CTNNA3: variants seen among roughly 807,000 people sequenced by gnomAD.
CTNNA3 encodes catenin alpha-3.
A neutral mutation model predicts 95.7 loss-of-function variants in CTNNA3; 76 were observed. That is an observed-to-expected ratio of 0.79 (90% CI 0.66 to 0.96). The LOEUF (loss-of-function observed/expected upper bound fraction) is 0.96. CTNNA3 is among the 40% of genes least tolerant of loss of function. CTNNA3 has a pLI of 0.00. For synonymous variants in CTNNA3, 431 were observed against 374.4 expected (o/e 1.15, Z -1.74); for missense variants, 1,191 against 1,089.8 (o/e 1.09, Z -1.31).
chr10:67,416,144 G>T (rs1301716058), intron 5 of CTNNA3, among the ~76,000 whole-genome samples: 1 of 151,970 alleles, frequency 6.6e-6, no homozygotes, highest in Admixed American at 6.6e-5. Context: ...AAAATATAGT[G>T]AGAACTAATT....
chr10:67,462,455 G>C (rs1310628514), intron 5 of CTNNA3, among the ~76,000 whole-genome samples: 1 of 152,192 alleles, frequency 6.6e-6, no homozygotes. Flanking sequence ...GCAAGACAAG[G>C]AAAGGGCACC....
chr10:66,030,552 T>G (rs751963444), intron 15 of CTNNA3, among the ~76,000 whole-genome samples: 18 of 152,118 alleles, frequency 1.2e-4, no homozygotes, highest in African/African-American at 4.1e-4. Flanking sequence ...TATACAAAAA[T>G]TAACTCAAGA....
At chr10:66,373,923 C>T (rs2132471069) in intron 12 of CTNNA3, among the ~76,000 whole-genome samples, 1 of 152,338 alleles carries the variant, frequency 6.6e-6, no homozygotes, top group African/African-American at 2.4e-5. Context: ...AGATCTAACT[C>T]TGGACAGTAA....
intron 7 of CTNNA3, among the ~76,000 whole-genome samples, chr10:67,060,947 C>G (rs753038309): frequency 3.9e-5 from 6 of 152,062 alleles, no homozygotes; most frequent in Admixed American, 3.3e-4. Context: ...CAAACTAAAG[C>G]TGTGTGAATG....
intron 11 of CTNNA3, among the ~76,000 whole-genome samples, chr10:66,447,279 T>C (rs557916792): frequency 3.4e-4 from 52 of 152,150 alleles, no homozygotes; most frequent in African/African-American, 1.2e-3. Context: ...CATGCCATCC[T>C]CATCAAGCTA....
chr10:66,611,837 A>G (rs141413047), intron 10 of CTNNA3, among the ~76,000 whole-genome samples: 69 of 152,146 alleles, frequency 4.5e-4, no homozygotes, highest in African/African-American at 1.6e-3. Context: ...GTGTTTTCTT[A>G]AGGTTACGCC....
At chr10:66,838,153 C>T (rs767511827) in intron 7 of CTNNA3, among the ~76,000 whole-genome samples, 1 of 152,044 alleles carries the variant, frequency 6.6e-6, no homozygotes, top group Non-Finnish European at 1.5e-5. Context: ...TTTTGTGATG[C>T]ATGATTTAAT....
chr10:66,199,787 ATATATATATATATATATATTTTTTTT>A lies in CTNNA3; in HGVS notation c.1884+80657_1884+80682del, dbSNP rs1292137029. Among the ~76,000 whole-genome samples, 17 of 12,244 alleles carry A rather than the reference ATATATATATATATATATATTTTTTTT, an allele frequency of 1.4e-3. No homozygotes were observed. The South Asian group carries it at 0.055, about 39-fold the overall frequency. 8.0% of individuals were successfully genotyped at this position (12,244 alleles called of 152,430 possible). ...TGGCTATATATATATATATATATATATATATATATATATATATATTTTTTTTTTTTTTTTTTTTTTTTTTTTAGTAG... is the reference window on the plus strand; with the variant it reads ...TGGCTATATATATATATATATATATATTTTTTTTTTTTTTTTTTTTAGTAG... On this transcript the variant is annotated intron_variant, in intron 13 of 17. Transcript: ENST00000433211.
intron 14 of CTNNA3, among the ~76,000 whole-genome samples, chr10:66,085,779 T>C (rs905972604): frequency 1.3e-5 from 2 of 152,174 alleles, no homozygotes; most frequent in African/African-American, 4.8e-5. Context: ...TATACTTCTG[T>C]GTTACATTGT....
intron 1 of CTNNA3, among the ~76,000 whole-genome samples, chr10:67,680,991 C>T (rs1229588806): frequency 6.6e-6 from 1 of 152,034 alleles, no homozygotes; most frequent in Non-Finnish European, 1.5e-5. Flanking sequence ...AGGAAAGAGA[C>T]CGTTTATGAT....
intron 5 of CTNNA3, among the ~76,000 whole-genome samples, chr10:67,413,402 T>A (rs972235458): frequency 3.9e-5 from 6 of 152,122 alleles, no homozygotes; most frequent in Non-Finnish European, 8.8e-5. Flanking sequence ...TTAACTATAC[T>A]AAATATATAC....
At chr10:66,650,562 A>G (rs1178315189) in intron 9 of CTNNA3, among the ~76,000 whole-genome samples, 2 of 152,134 alleles carry the variant, frequency 1.3e-5, no homozygotes, top group Admixed American at 6.5e-5. Flanking sequence ...GAAGCCGCGG[A>G]CCCTCACGAT....
chr10:67,411,140 G>T (rs1845352479), intron 5 of CTNNA3, among the ~76,000 whole-genome samples: 1 of 151,986 alleles, frequency 6.6e-6, no homozygotes, highest in African/African-American at 2.4e-5. Context: ...TACAACATGA[G>T]GACCACAGTT....
chr10:67,628,513 A>G (rs1475082609), intron 2 of CTNNA3, among the ~76,000 whole-genome samples: 2 of 152,180 alleles, frequency 1.3e-5, no homozygotes, highest in Non-Finnish European at 2.9e-5. Flanking sequence ...TTTGACTTCA[A>G]ACTAACTTTG....
chr10:67,266,178 C>T (rs1007806865), intron 5 of CTNNA3, among the ~76,000 whole-genome samples: 2 of 152,010 alleles, frequency 1.3e-5, no homozygotes, highest in Non-Finnish European at 2.9e-5. Flanking sequence ...AGATTACAAT[C>T]TTAAAATAAG....
chr10:66,449,285 T>G (rs1430432639), intron 11 of CTNNA3, among the ~76,000 whole-genome samples: 3 of 152,024 alleles, frequency 2.0e-5, no homozygotes, highest in African/African-American at 7.2e-5. Context: ...CATTATCCAT[T>G]TTTTGGTGTT....
intron 12 of CTNNA3, among the ~76,000 whole-genome samples, chr10:66,318,276 A>ATATATATGTGTGTGTGTGTG (rs33943741): frequency 4.4e-5 from 6 of 136,660 alleles, no homozygotes; most frequent in African/African-American, 1.6e-4. Flanking sequence ...ATATATATAT[A>ATATATATGTGTGTGTGTGTG]TGTGTGTGTG....
chr10:67,399,417 G>A lies in CTNNA3; in HGVS notation c.579+122425C>T, dbSNP rs578150163. Reference sequence around the variant, plus strand: ...AATCCCCTAGACTCTCATCAAAATTGTAAATCATTTCATTAGTAATCAAAT... The same window carrying A: ...AATCCCCTAGACTCTCATCAAAATTATAAATCATTTCATTAGTAATCAAAT... On this transcript the variant is annotated intron_variant, in intron 5 of 17. Coordinates refer to ENST00000433211, the MANE Select transcript of CTNNA3 (RefSeq NM_013266.4). Among the ~76,000 whole-genome samples, 7 of 152,180 alleles carry A rather than the reference G, an allele frequency of 4.6e-5. No individual in the cohort carries two copies. In the South Asian group the frequency reaches 1.5e-3, roughly 32 times the overall value.
intron 2 of CTNNA3, among the ~76,000 whole-genome samples, chr10:67,633,130 C>G (rs779823566): frequency 2.0e-5 from 3 of 152,122 alleles, no homozygotes; most frequent in Non-Finnish European, 2.9e-5. Flanking sequence ...CAGACTGATT[C>G]TTTAAGTAGG....
Sources: gnomAD v4.1 joint callset for allele counts (sites outside exome capture counted in the v4.1 genomes callset) on GRCh38, gnomAD v4.1.1 for gene constraint, MANE v1.5 for transcripts, NCBI Gene and HGNC (gene_info 2026-07-23, HGNC 2026-07-21) for gene names.